SLC24A3: variants seen among roughly 807,000 people sequenced by gnomAD.
The protein encoded by SLC24A3 is solute carrier family 24 member 3.
A neutral mutation model predicts 75.8 loss-of-function variants in SLC24A3; 28 were observed. The ratio of observed to expected loss-of-function variants is 0.37; its 90% CI spans 0.27 to 0.51. SLC24A3 has a LOEUF of 0.51. SLC24A3 is among the 20% of genes least tolerant of loss of function. SLC24A3 has a pLI of 0.94. For synonymous variants in SLC24A3, 372 were observed against 334.1 expected, an observed-to-expected ratio of 1.11 and a Z score of -1.24; for missense variants, 663 against 847.8, an observed-to-expected ratio of 0.78 and a Z score of 2.71.
chr20:19,679,789 T>TA (rs1600336777), intron 9 of SLC24A3, among the ~76,000 whole-genome samples: 3 of 152,254 alleles, frequency 2.0e-5, no homozygotes, highest in Admixed American at 2.0e-4. Flanking sequence ...ATAAATATTT[T>TA]AAAAATGAGA....
chr20:19,602,793 C>G (rs1331851348), intron 6 of SLC24A3, among the ~76,000 whole-genome samples: 4 of 152,178 alleles, frequency 2.6e-5, no homozygotes, highest in African/African-American at 7.2e-5. Context: ...ATGGCAAAGG[C>G]ACGGGAGTCC....
chr20:19,677,231 G>A (rs987932492), intron 9 of SLC24A3, among the ~76,000 whole-genome samples: 3 of 150,390 alleles, frequency 2.0e-5, no homozygotes, highest in Admixed American at 6.6e-5. Flanking sequence ...AAGCTGGAGC[G>A]AGAGGATTGC....
At chr20:19,645,361 T>C (rs1235341049) in intron 6 of SLC24A3, among the ~76,000 whole-genome samples, 1 of 152,218 alleles carries the variant, frequency 6.6e-6, no homozygotes, top group Non-Finnish European at 1.5e-5. Flanking sequence ...GCATTGTTGA[T>C]GCTAATTAAT....
chr20:19,215,860 A>T (rs949628934), intron 1 of SLC24A3, among the ~76,000 whole-genome samples: 3 of 152,250 alleles, frequency 2.0e-5, no homozygotes, highest in African/African-American at 7.2e-5. Context: ...GGTTATATGC[A>T]GTAAGAATCT....
chr20:19,613,817 G>GT (rs1343621523), intron 6 of SLC24A3, among the ~76,000 whole-genome samples: 2 of 152,182 alleles, frequency 1.3e-5, no homozygotes, highest in African/African-American at 2.4e-5. Context: ...GGCTTCCTTG[G>GT]TTTGCGTAGC....
intron 6 of SLC24A3, among the ~76,000 whole-genome samples, chr20:19,628,047 A>T (rs142696277): frequency 0.016 from 2,456 of 151,424 alleles, 39 homozygotes; most frequent in African/African-American, 0.033. Flanking sequence ...AATAATTTTT[A>T]AAAAAAATTA....
intron 2 of SLC24A3, among the ~76,000 whole-genome samples, chr20:19,514,346 G>A (rs544092112): frequency 1.8e-4 from 28 of 152,306 alleles, no homozygotes; most frequent in African/African-American, 6.3e-4. Context: ...CATCCTTGTC[G>A]GAGGGTCTGC....
chr20:19,251,475 A>G (rs1219558239), intron 1 of SLC24A3, among the ~76,000 whole-genome samples: 1 of 152,196 alleles, frequency 6.6e-6, no homozygotes, highest in Non-Finnish European at 1.5e-5. Flanking sequence ...GTGACCTAAG[A>G]AGCACAAGAG....
chr20:19,299,201 T>TGTGTGA (rs1172507296), intron 2 of SLC24A3, among the ~76,000 whole-genome samples: 1 of 150,352 alleles, frequency 6.7e-6, no homozygotes, highest in Non-Finnish European at 1.5e-5. Context: ...TGTGTGTATG[T>TGTGTGA]GTGTGTGTGT....
intron 9 of SLC24A3, among the ~76,000 whole-genome samples, chr20:19,681,634 T>C (rs1204516709): frequency 6.6e-6 from 1 of 152,220 alleles, no homozygotes; most frequent in Non-Finnish European, 1.5e-5. Flanking sequence ...TTTATTTCTA[T>C]AATGGTGGTT....
intron 15 of SLC24A3, among the ~76,000 whole-genome samples, chr20:19,708,690 A>T (rs6081715): frequency 0.7 from 107,018 of 152,108 alleles, 38,071 homozygotes; most frequent in East Asian, 0.95. Context: ...TCTCCTACAA[A>T]CTATCCCCAC....
intron 3 of SLC24A3, among the ~76,000 whole-genome samples, chr20:19,575,101 A>C (rs1301894591): frequency 6.6e-6 from 1 of 151,994 alleles, no homozygotes; most frequent in Non-Finnish European, 1.5e-5. Flanking sequence ...AATACAAAAA[A>C]AAATGAAGGG....
chr20:19,603,109 T>C (rs1465464859), intron 6 of SLC24A3, among the ~76,000 whole-genome samples: 1 of 152,216 alleles, frequency 6.6e-6, no homozygotes, highest in Non-Finnish European at 1.5e-5. Flanking sequence ...CCAAAGTTCA[T>C]CTACCAAAGT....
At chr20:19,406,181 GGTGT>G (rs372463704) in intron 2 of SLC24A3, among the ~76,000 whole-genome samples, 3,415 of 145,372 alleles carry the variant, frequency 0.023, 65 homozygotes, top group East Asian at 0.062. Context: ...TTTTAAAGAT[GGTGT>G]GTGTGTGTGT....
intron 2 of SLC24A3, among the ~76,000 whole-genome samples, chr20:19,296,148 G>A (rs1025411645): frequency 1.3e-5 from 2 of 152,024 alleles, no homozygotes; most frequent in African/African-American, 4.8e-5. Flanking sequence ...TTTGCATAGA[G>A]GTGTTTATAG....
chr20:19,549,185 G>A (rs1268025273), intron 3 of SLC24A3, among the ~76,000 whole-genome samples: 2 of 152,188 alleles, frequency 1.3e-5, no homozygotes, highest in East Asian at 3.9e-4. Context: ...GCACCTAACT[G>A]CAAGGGATGC....
At chr20:19,594,216 T>A (rs2031420690) in intron 6 of SLC24A3, among the ~76,000 whole-genome samples, 1 of 151,892 alleles carries the variant, frequency 6.6e-6, no homozygotes, top group Non-Finnish European at 1.5e-5. Context: ...CTTCGACTGG[T>A]GTCCACTGAA....
chr20:19,721,333 C>A lies in SLC24A3; in HGVS notation c.*193C>A. The stretch of plus-strand genomic sequence containing the variant: ...CGCTCCCCCACCTCCTTGGGTCATG[C>A]CCACCCACCCTTTCCTGCCTCCTCC... On this transcript the variant is annotated 3_prime_UTR_variant, in exon 17 of 17. Transcript: ENST00000328041. 1.7e-6 allele frequency: 1 copy of A among 587,544 alleles called. No individual in the cohort carries two copies. Among genetic ancestry groups the A allele is most frequent in the Non-Finnish European group, 2.9e-6 (1 of 346,886 alleles). The allele number at this position is 587,544 out of a possible 1,614,324, so 36.4% of individuals were successfully genotyped here. A position where few individuals can be genotyped will look rare whatever the true frequency, so the allele number is the denominator to read the frequency against.
At chr20:19,514,157 T>C (rs1109605) in intron 2 of SLC24A3, among the ~76,000 whole-genome samples, 18,265 of 152,200 alleles carry the variant, frequency 0.12, 1,284 homozygotes, top group East Asian at 0.31. Context: ...GCTTGTGTCT[T>C]GCACAAATCC....
Sources: allele counts gnomAD v4.1 joint callset (sites outside exome capture counted in the v4.1 genomes callset), GRCh38; gene constraint gnomAD v4.1.1; transcripts MANE v1.5; gene names NCBI Gene and HGNC (gene_info 2026-07-23, HGNC 2026-07-21).